The following NRK variants were observed in gnomAD, a reference collection of about 807,000 sequenced individuals.
NRK encodes the protein Nik related kinase, also known as nik-related protein kinase.
Under a neutral mutation model 125.2 loss-of-function variants are expected in NRK, and 67 were observed. That is an observed-to-expected ratio of 0.54 (90% CI 0.44 to 0.66). NRK has a LOEUF of 0.66. Ranked by LOEUF, NRK falls within the 30% of genes least tolerant of loss-of-function variation. The pLI is 0.00. For synonymous variants in NRK, 458 were observed against 429.0 expected (o/e 1.07, Z -0.84); for missense variants, 1,224 against 1,192.9 (o/e 1.03, Z -0.38).
At chrX:105,926,395 C>T (rs1413060406) in intron 19 of NRK, among the ~76,000 whole-genome samples, 1 of 111,797 alleles carries the variant, frequency 8.9e-6, no homozygotes. Flanking sequence ...TTCTTACATT[C>T]AGGATTTTAA....
chrX:105,861,327 A>G (rs760922394), intron 2 of NRK, among the ~76,000 whole-genome samples: 1 of 112,398 alleles, frequency 8.9e-6, no homozygotes, highest in African/African-American at 3.2e-5. Flanking sequence ...AAGATATATG[A>G]TTTAAAAATA....
At chrX:105,886,608 T>A (rs904905334) in intron 4 of NRK, among the ~76,000 whole-genome samples, 8 of 106,045 alleles carry the variant, frequency 7.5e-5, no homozygotes, top group Admixed American at 1.0e-4. Flanking sequence ...CATTATCATA[T>A]ACAAATGTCT....
chrX:105,842,393 T>C (rs1250628837), intron 2 of NRK, among the ~76,000 whole-genome samples: 1 of 111,493 alleles, frequency 9.0e-6, no homozygotes, highest in African/African-American at 3.3e-5. Context: ...ACCTCTTCAC[T>C]CTCTTCTTGT....
chrX:105,826,292 A>ATATATAATATATATGAAATATATATT (rs1569284711), intron 1 of NRK, among the ~76,000 whole-genome samples: 21 of 44,336 alleles, frequency 4.7e-4, no homozygotes, highest in South Asian at 3.2e-3. Context: ...AATATATATT[A>ATATATAATATATATGAAATATATATT]TCATATATAT....
chrX:105,869,745 G>C (rs1276886714), intron 2 of NRK, among the ~76,000 whole-genome samples: 3 of 110,842 alleles, frequency 2.7e-5, no homozygotes, highest in Non-Finnish European at 3.8e-5. Flanking sequence ...TGCTTCTTTT[G>C]GTTGAACCCC....
chrX:105,912,449 A>T (rs1403075975), intron 13 of NRK, among the ~76,000 whole-genome samples, 199 bp from the exon 14 acceptor site: 1 of 110,827 alleles, frequency 9.0e-6, no homozygotes, highest in Admixed American at 9.7e-5. Context: ...TCTGAAAGGG[A>T]TCCAGAACCA....
intron 2 of NRK, among the ~76,000 whole-genome samples, chrX:105,868,641 C>G (rs2039702190): frequency 9.1e-6 from 1 of 110,412 alleles, no homozygotes; most frequent in African/African-American, 3.3e-5. Context: ...TACCATTCTA[C>G]TTTTATCATG....
intron 19 of NRK, among the ~76,000 whole-genome samples, chrX:105,931,088 G>A (rs990512802): frequency 8.9e-6 from 1 of 112,613 alleles, no homozygotes; most frequent in Non-Finnish European, 1.9e-5. Flanking sequence ...CTGCTGAGCT[G>A]TTTCTCTGGC....
chrX:105,946,206 C>A (rs1331699868), intron 25 of NRK, 109 bp from the exon 26 acceptor site: 1 of 799,865 alleles, frequency 1.3e-6, no homozygotes, highest in Non-Finnish European at 1.8e-6. Context: ...TTTTAAAAAT[C>A]CACCTGGGTT....
chrX:105,850,969 G>C (rs1427697484), intron 2 of NRK, among the ~76,000 whole-genome samples: 4 of 111,829 alleles, frequency 3.6e-5, no homozygotes, highest in Non-Finnish European at 7.5e-5. Context: ...CCACTCTACT[G>C]GTACCAATTT....
chrX:105,833,287 T>C (rs1476596515), intron 2 of NRK, among the ~76,000 whole-genome samples: 1 of 111,734 alleles, frequency 8.9e-6, no homozygotes, highest in African/African-American at 3.2e-5. Context: ...TTCCATCCTG[T>C]ACTGAATGAT....
At chrX:105,914,209 A>G (rs1457517377) in intron 14 of NRK, among the ~76,000 whole-genome samples, 2 of 110,851 alleles carry the variant, frequency 1.8e-5, no homozygotes, top group African/African-American at 6.5e-5. Context: ...CTCATTTTTA[A>G]GTACAATTCC....
At chrX:105,909,937 G>C (rs1291028127) in intron 13 of NRK, 55 bp downstream of exon 13, 3 of 992,189 alleles carry the variant, frequency 3.0e-6, no homozygotes, top group Non-Finnish European at 4.0e-6. Context: ...AAATGTGATA[G>C]CTCATGCGGA....
At chrX:105,836,815 A>C (rs2039271823) in intron 2 of NRK, among the ~76,000 whole-genome samples, 1 of 112,264 alleles carries the variant, frequency 8.9e-6, no homozygotes, top group Non-Finnish European at 1.9e-5. Flanking sequence ...AAGTTTCCTT[A>C]TTTATAAAAT....
In NRK at chrX:105,893,894, G is replaced by A; in HGVS notation, c.441G>A (p.Gln147=). The change falls in exon 6 of 29, where the codon CAG becomes CAA. Residue 147 remains glutamine, a synonymous_variant. Transcript: ENST00000243300. ...ATGTAGTGAGAATGACCAGTAATCA[G>A]AGTTTAAAAGAAGATTGGATTGCTT... ...VTDVVRMTSN[Q]SLKEDWIAYI... 1 of 1,193,597 alleles carries A rather than the reference G, an allele frequency of 8.4e-7. No homozygotes were observed. Among genetic ancestry groups the A allele is most frequent in the African/African-American group, 1.7e-5 (1 of 57,428 alleles).
chrX:105,863,604 C>A (rs1191917234), intron 2 of NRK, among the ~76,000 whole-genome samples: 2 of 112,031 alleles, frequency 1.8e-5, no homozygotes, highest in African/African-American at 6.5e-5. Flanking sequence ...TGCAAACTTT[C>A]CTAGAAAGAT....
At chrX:105,872,481 C>T (rs1323833007) in intron 2 of NRK, among the ~76,000 whole-genome samples, 1 of 111,264 alleles carries the variant, frequency 9.0e-6, no homozygotes, top group Non-Finnish European at 1.9e-5. Flanking sequence ...ATAAGTAAAT[C>T]TTCCTGATGG....
At chrX:105,950,889 A>G (rs753822866) in intron 27 of NRK, among the ~76,000 whole-genome samples, 184 of 110,979 alleles carry the variant, frequency 1.7e-3, no homozygotes, top group Non-Finnish European at 2.9e-3. Context: ...TGAGATCTCT[A>G]TAAAATGACT....
chrX:105,904,299 GA>G (rs2040194115), intron 9 of NRK, among the ~76,000 whole-genome samples: 1 of 111,630 alleles, frequency 9.0e-6, no homozygotes, highest in Non-Finnish European at 1.9e-5. Flanking sequence ...AACACTTATA[GA>G]AAAAACCAAA....
Sources: gnomAD v4.1 joint callset for allele counts (sites outside exome capture counted in the v4.1 genomes callset) on GRCh38, gnomAD v4.1.1 for gene constraint, MANE v1.5 for transcripts, NCBI Gene and HGNC (gene_info 2026-07-23, HGNC 2026-07-21) for gene names.